The following INPP5A variants were observed in gnomAD, a reference collection of about 807,000 sequenced individuals.
INPP5A encodes the protein inositol polyphosphate-5-phosphatase A.
Under a neutral mutation model 65.2 loss-of-function variants are expected in INPP5A, and 14 were observed. The observed-to-expected ratio is 0.21, with a 90% CI of 0.14 to 0.34. The LOEUF is 0.34. INPP5A is among the 10% of genes least tolerant of loss of function. The pLI is 1.00. For missense variants in INPP5A, 431 were observed against 545.6 expected, an observed-to-expected ratio of 0.79 and a Z score of 2.09; for synonymous variants, 207 against 208.3, an observed-to-expected ratio of 0.99 and a Z score of 0.05.
chr10:132,577,465 G>A (rs1387890984), intron 1 of INPP5A, among the ~76,000 whole-genome samples: 3 of 152,230 alleles, frequency 2.0e-5, no homozygotes, highest in South Asian at 2.1e-4. Flanking sequence ...GCCCGGCCCC[G>A]GGCCAGGGAA....
chr10:132,593,580 G>A (rs1254495024), intron 1 of INPP5A, among the ~76,000 whole-genome samples: 1 of 152,198 alleles, frequency 6.6e-6, no homozygotes, highest in African/African-American at 2.4e-5. Flanking sequence ...GGATGATTTT[G>A]CTGTACACAT....
intron 4 of INPP5A, among the ~76,000 whole-genome samples, chr10:132,681,432 C>CA (rs1176246458): frequency 7.2e-5 from 11 of 152,316 alleles, no homozygotes; most frequent in Middle Eastern, 3.4e-3. Context: ...CCAGCGAGAC[C>CA]ACGAACCCAC....
At chr10:132,717,566 G>C (rs1328974742) in intron 8 of INPP5A, among the ~76,000 whole-genome samples, 1 of 148,304 alleles carries the variant, frequency 6.7e-6, no homozygotes, top group Non-Finnish European at 1.5e-5. Context: ...TTCTGTCTGA[G>C]GGCGCCTTAG....
At chr10:132,703,597 TCACA>T (rs1000575769) in intron 6 of INPP5A, among the ~76,000 whole-genome samples, 2 of 124,436 alleles carry the variant, frequency 1.6e-5, no homozygotes, top group East Asian at 5.4e-4. Context: ...ACACATGGCT[TCACA>T]CACACACGCA....
At chr10:132,599,735 A>C (rs1042066004) in intron 1 of INPP5A, among the ~76,000 whole-genome samples, 2 of 152,218 alleles carry the variant, frequency 1.3e-5, no homozygotes, top group African/African-American at 4.8e-5. Context: ...TTTTGCCTGG[A>C]CATCGAGGCA....
At chr10:132,729,413 A>AG (rs1442050611) in intron 9 of INPP5A, among the ~76,000 whole-genome samples, 1 of 152,176 alleles carries the variant, frequency 6.6e-6, no homozygotes, top group East Asian at 1.9e-4. Flanking sequence ...CCTCTCACAC[A>AG]GGCAGTCGCA....
intron 11 of INPP5A, among the ~76,000 whole-genome samples, chr10:132,756,875 C>T (rs1043327484): frequency 1.3e-5 from 2 of 152,194 alleles, no homozygotes; most frequent in African/African-American, 2.4e-5. Flanking sequence ...CAGAGAGGAA[C>T]GTCGATGATC....
At chr10:132,696,253 C>T (rs1845342350) in intron 5 of INPP5A, among the ~76,000 whole-genome samples, 1 of 152,236 alleles carries the variant, frequency 6.6e-6, no homozygotes, top group Non-Finnish European at 1.5e-5. Flanking sequence ...AAGGGCTCAG[C>T]TCTTCCCAAC....
chr10:132,718,853 T>C (rs1418012271), intron 8 of INPP5A, among the ~76,000 whole-genome samples: 1 of 149,028 alleles, frequency 6.7e-6, no homozygotes, highest in African/African-American at 2.5e-5. Flanking sequence ...TCTGGGCACC[T>C]TAGACGGCTG....
intron 4 of INPP5A, among the ~76,000 whole-genome samples, chr10:132,681,322 C>A (rs896721491): frequency 2.0e-5 from 3 of 152,136 alleles, no homozygotes; most frequent in Non-Finnish European, 4.4e-5. Context: ...TTTGTTCTTT[C>A]GCTCTTTGCA....
chr10:132,571,043 C>T lies in INPP5A; in HGVS notation c.75+32872C>T, dbSNP rs374140076. On this transcript the variant is annotated intron_variant, in intron 1 of 15. Coordinates refer to ENST00000368594, the MANE Select transcript of INPP5A (RefSeq NM_005539.5). Reference sequence around the variant, plus strand: ...TGGGTTCGGGGCGTTGGAACATTCTCCAAACCCCTCCTGCTGCCTGGCCAG... The same window carrying T: ...TGGGTTCGGGGCGTTGGAACATTCTTCAAACCCCTCCTGCTGCCTGGCCAG... 2.0e-5 allele frequency among the ~76,000 whole-genome samples: 3 copies of T among 152,380 alleles called. No individual in the cohort carries two copies. The East Asian group carries it at 5.8e-4, about 29-fold the overall frequency.
At chr10:132,780,976 G>A (rs929204311) in intron 14 of INPP5A, 59 bp downstream of exon 14, 4 of 1,273,150 alleles carry the variant, frequency 3.1e-6, no homozygotes, top group South Asian at 1.2e-5. Flanking sequence ...CTAGGGGGCC[G>A]GGGGGCTGGG....
rs544111307 is a variant in INPP5A at position 132,733,387 on chromosome 10, A to G, written c.732+6482A>G. On this transcript the variant is annotated intron_variant, in intron 9 of 15. Coordinates refer to ENST00000368594, the MANE Select transcript of INPP5A (RefSeq NM_005539.5). ...CAGAAAACGTTTCTTTGAAAGCCCTACCTAAAAATAAATCTCACTGAAAAA... is the reference window on the plus strand; with the variant it reads ...CAGAAAACGTTTCTTTGAAAGCCCTGCCTAAAAATAAATCTCACTGAAAAA... Among the ~76,000 whole-genome samples the G allele has an allele frequency of 5.3e-5, 8 of 152,272 alleles. No homozygotes were observed. In the East Asian group the frequency reaches 1.4e-3, roughly 26 times the overall value.
intron 1 of INPP5A, among the ~76,000 whole-genome samples, chr10:132,566,399 G>A (rs1436856130): frequency 6.6e-6 from 1 of 152,126 alleles, no homozygotes; most frequent in Non-Finnish European, 1.5e-5. Flanking sequence ...GAAAATGCAG[G>A]GATACGGAGG....
chr10:132,723,223 C>T (rs572036092), intron 8 of INPP5A, among the ~76,000 whole-genome samples: 1 of 152,382 alleles, frequency 6.6e-6, no homozygotes, highest in East Asian at 1.9e-4. Context: ...GAAGAAGGAG[C>T]AGCCAGGCCT....
At chr10:132,579,126 C>T (rs1314344166) in intron 1 of INPP5A, among the ~76,000 whole-genome samples, 1 of 152,124 alleles carries the variant, frequency 6.6e-6, no homozygotes, top group Admixed American at 6.5e-5. Context: ...GTGAAATGAG[C>T]TGGGCTTCTG....
At chr10:132,700,963 T>A (rs1461195032) in intron 6 of INPP5A, among the ~76,000 whole-genome samples, 2 of 152,070 alleles carry the variant, frequency 1.3e-5, no homozygotes, top group African/African-American at 4.8e-5. Flanking sequence ...TCAGGGTGAG[T>A]CATTTTTTTC....
intron 14 of INPP5A, 70 bp downstream of exon 14, chr10:132,780,987 G>A (rs1467728232): frequency 2.6e-5 from 11 of 429,586 alleles, no homozygotes; most frequent in African/African-American, 2.4e-4. Context: ...GGGGGCTGGG[G>A]CCAGTGGGTG....
At chr10:132,780,942 C>G in intron 14 of INPP5A, 25 bp downstream of exon 14, 1 of 1,592,640 alleles carries the variant, frequency 6.3e-7, no homozygotes, top group Non-Finnish European at 8.6e-7. Flanking sequence ...GGTCCAGGGG[C>G]CAGGCTGGGG....
Sources: gnomAD v4.1 joint callset for allele counts (sites outside exome capture counted in the v4.1 genomes callset) on GRCh38, gnomAD v4.1.1 for gene constraint, MANE v1.5 for transcripts, NCBI Gene and HGNC (gene_info 2026-07-23, HGNC 2026-07-21) for gene names.